Variants in ANKRD12 observed in about 807,000 individuals in gnomAD.
ANKRD12 encodes ankyrin repeat domain 12.
In ANKRD12, 85 loss-of-function variants were observed where a neutral mutation model predicts 183.4. The observed-to-expected ratio is 0.46, with a 90% CI of 0.39 to 0.56. ANKRD12 has a LOEUF of 0.56. ANKRD12 is among the 20% of genes least tolerant of loss of function. The probability of loss-of-function intolerance (pLI) is 0.00; values close to 1 mark genes in which losing one functional copy is unlikely to be tolerated. For missense variants in ANKRD12, 2,405 were observed against 2,357.1 expected (o/e 1.02, Z -0.42); for synonymous variants, 914 against 800.2 (o/e 1.14, Z -2.40).
chr18:9,237,050 A>G (rs1184109894), intron 8 of ANKRD12, among the ~76,000 whole-genome samples: 1 of 152,192 alleles, frequency 6.6e-6, no homozygotes, highest in Non-Finnish European at 1.5e-5. Flanking sequence ...AAATACATAT[A>G]TTTTCTTACA....
At chr18:9,237,671 G>A (rs2037425326) in intron 8 of ANKRD12, among the ~76,000 whole-genome samples, 1 of 152,136 alleles carries the variant, frequency 6.6e-6, no homozygotes, top group African/African-American at 2.4e-5. Context: ...TTTGTAAAAT[G>A]AACAGTGTTT....
chr18:9,161,349 TTC>T (rs1429246963), intron 1 of ANKRD12, among the ~76,000 whole-genome samples: 1 of 151,698 alleles, frequency 6.6e-6, no homozygotes, highest in African/African-American at 2.4e-5. Flanking sequence ...TTTTCTCTAT[TTC>T]TGTTTTTATT....
At chr18:9,139,141 T>G (rs990770196) in intron 1 of ANKRD12, among the ~76,000 whole-genome samples, 1 of 152,162 alleles carries the variant, frequency 6.6e-6, no homozygotes, top group Non-Finnish European at 1.5e-5. Flanking sequence ...GAAGAATATT[T>G]GAGGAGGAGT....
intron 1 of ANKRD12, among the ~76,000 whole-genome samples, chr18:9,175,023 C>T (rs926201570): frequency 1.3e-5 from 2 of 152,028 alleles, no homozygotes; most frequent in African/African-American, 2.4e-5. Flanking sequence ...GGTGTGATCT[C>T]GACTCACTGC....
At position 9,256,681 on chromosome 18, in the gene ANKRD12, T is replaced by A. The variant is rs979420753; in HGVS notation, c.3414T>A (p.Leu1138=). 6.2e-7 allele frequency: 1 copy of A among 1,606,514 alleles called. No homozygotes were observed. Among genetic ancestry groups the A allele is most frequent in the Non-Finnish European group, 8.5e-7 (1 of 1,178,250 alleles). ...HTPTESKNKE[L]TRSKSSEVTD... ...CAACTGAATCCAAAAATAAAGAACT[T>A]ACTAGGTCAAAGAGTTCAGAAGTGA... is the stretch of plus-strand genomic sequence containing the variant. The change falls in exon 9 of 13, where the codon CTT becomes CTA. Residue 1138 remains leucine (L), a synonymous_variant. Transcript: ENST00000262126.
intron 5 of ANKRD12, among the ~76,000 whole-genome samples, chr18:9,210,690 C>T (rs1338552525): frequency 1.6e-5 from 2 of 126,622 alleles, no homozygotes; most frequent in Non-Finnish European, 3.1e-5. Context: ...CAAACTACCA[C>T]GCTCCAGCCT....
chr18:9,207,689 A>G (rs1226436662), intron 4 of ANKRD12, among the ~76,000 whole-genome samples: 1 of 152,044 alleles, frequency 6.6e-6, no homozygotes, highest in African/African-American at 2.4e-5. Flanking sequence ...ATTTTTGAAT[A>G]TTCTTTATTT....
At chr18:9,280,091 C>G (rs1313860494) in intron 12 of ANKRD12, among the ~76,000 whole-genome samples, 1 of 152,064 alleles carries the variant, frequency 6.6e-6, no homozygotes, top group Non-Finnish European at 1.5e-5. Flanking sequence ...AAATCTATAA[C>G]AGCAGTCCCA....
intron 1 of ANKRD12, among the ~76,000 whole-genome samples, chr18:9,153,737 T>C (rs944913841): frequency 6.6e-6 from 1 of 152,194 alleles, no homozygotes; most frequent in South Asian, 2.1e-4. Flanking sequence ...TTCTGTTGTA[T>C]GGATTTTGTC....
At chr18:9,204,058 A>G (rs777704939) in intron 3 of ANKRD12, among the ~76,000 whole-genome samples, 1 of 152,232 alleles carries the variant, frequency 6.6e-6, no homozygotes, top group African/African-American at 2.4e-5. Context: ...TTGCAGTCCA[A>G]AGTGTTTTAC....
At position 9,222,048 on chromosome 18, in the gene ANKRD12, G is replaced by C. The variant is rs775221522; in HGVS notation, c.943+49G>C. On this transcript the variant is annotated intron_variant, in intron 8 of 12. Transcript: ENST00000262126. ...CATCTGTTCGTTTGACATGATATTT[G>C]ATAGAACATTCTGGATTCATTTGTA... The C allele has an allele frequency of 1.3e-5, 20 of 1,593,758 alleles. No individual in the cohort carries two copies. The Admixed American group carries it at 3.3e-4, about 26-fold the overall frequency.
intron 8 of ANKRD12, among the ~76,000 whole-genome samples, chr18:9,252,896 G>T (rs1178600392): frequency 6.6e-6 from 1 of 152,048 alleles, no homozygotes; most frequent in African/African-American, 2.4e-5. Flanking sequence ...TGGATTAAAG[G>T]ATCTTATTCG....
intron 6 of ANKRD12, among the ~76,000 whole-genome samples, chr18:9,213,987 T>G (rs537118308): frequency 6.6e-6 from 1 of 152,156 alleles, no homozygotes; most frequent in Admixed American, 6.5e-5. Flanking sequence ...GCTTAAATAT[T>G]TAATACTTTT....
intron 6 of ANKRD12, among the ~76,000 whole-genome samples, chr18:9,215,464 T>C (rs2036044728): frequency 6.6e-6 from 1 of 152,066 alleles, no homozygotes; most frequent in Non-Finnish European, 1.5e-5. Context: ...TCTTTTAGTG[T>C]CCTCTGGCCT....
chr18:9,187,769 T>C (rs2144279226), intron 2 of ANKRD12, among the ~76,000 whole-genome samples: 1 of 152,340 alleles, frequency 6.6e-6, no homozygotes, highest in Admixed American at 6.5e-5. Flanking sequence ...GCAGAATCTT[T>C]TATAAACTCT....
intron 11 of ANKRD12, 54 bp from the exon 12 acceptor site, chr18:9,279,495 T>C: frequency 9.7e-7 from 1 of 1,033,672 alleles, no homozygotes; most frequent in Non-Finnish European, 1.5e-6. Context: ...TATAATGGCA[T>C]ATAGATTTTA....
intron 8 of ANKRD12, among the ~76,000 whole-genome samples, chr18:9,222,588 AAG>A (rs1309682919): frequency 3.3e-5 from 5 of 152,122 alleles, no homozygotes; most frequent in Admixed American, 6.5e-5. Flanking sequence ...TTCAGTGAAA[AAG>A]AGTTTCATCA....
intron 1 of ANKRD12, among the ~76,000 whole-genome samples, chr18:9,172,423 C>A (rs1461609527): frequency 6.6e-6 from 1 of 152,124 alleles, no homozygotes; most frequent in East Asian, 1.9e-4. Flanking sequence ...CATTCCTTTT[C>A]ATTCTTTTTT....
intron 9 of ANKRD12, among the ~76,000 whole-genome samples, chr18:9,262,519 G>A (rs1349704374): frequency 6.6e-6 from 1 of 151,958 alleles, no homozygotes; most frequent in African/African-American, 2.4e-5. Flanking sequence ...GAGTGCAGTG[G>A]TGCAATCATA....
Sources: allele counts gnomAD v4.1 joint callset (sites outside exome capture counted in the v4.1 genomes callset), GRCh38; gene constraint gnomAD v4.1.1; transcripts MANE v1.5; gene names NCBI Gene and HGNC (gene_info 2026-07-23, HGNC 2026-07-21).